Variants in TET3 observed in about 807,000 individuals in gnomAD.
The protein encoded by TET3 is tet methylcytosine dioxygenase 3.
Under a neutral mutation model 141.4 loss-of-function variants are expected in TET3, and 19 were observed. That is an observed-to-expected ratio of 0.13 (90% confidence interval 0.09 to 0.20). The LOEUF is 0.20. Among genes scored for constraint, TET3 ranks in the 10% least tolerant of loss-of-function variants. The pLI, the probability that TET3 is intolerant of heterozygous loss-of-function variation, is 1.00. For synonymous variants in TET3, 1,043 were observed against 980.9 expected, an observed-to-expected ratio of 1.06 and a Z score of -1.18; for missense variants, 1,874 against 2,356.9, an observed-to-expected ratio of 0.80 and a Z score of 4.24.
intron 4 of TET3, among the ~76,000 whole-genome samples, chr2:74,054,689 A>G (rs1454987592): frequency 1.3e-5 from 2 of 152,172 alleles, no homozygotes; most frequent in African/African-American, 4.8e-5. Flanking sequence ...GAAAGTGTGG[A>G]AAAGATGTGG....
intron 4 of TET3, among the ~76,000 whole-genome samples, chr2:74,057,328 T>C (rs1031392753): frequency 2.0e-5 from 3 of 152,178 alleles, no homozygotes; most frequent in African/African-American, 7.2e-5. Context: ...CATAAAAATT[T>C]AGAGGCATTG....
rs1687601257 is a variant in TET3, at chr2:74,046,068, T to C, written c.361-210T>C. Among the ~76,000 whole-genome samples, 1 of 152,186 alleles carries C rather than the reference T, an allele frequency of 6.6e-6. No homozygotes were observed. Among genetic ancestry groups the C allele is most frequent in the African/African-American group, 2.4e-5 (1 of 41,434 alleles). ...CATTAGGATCTTCTCTTTAAAAATA[T>C]CTTAAAGATCTTCTTTTTGTTTCTG... On this transcript the variant is annotated intron_variant, in intron 3 of 11. Coordinates refer to ENST00000409262, the MANE Select transcript of TET3 (RefSeq NM_001287491.2). This position sits in a 1 kb window ranked among gnomAD's most constrained non-coding sequence, Gnocchi z 4.3.
chr2:73,991,978 G>C lies in TET3; in HGVS notation c.303+5272G>C, dbSNP rs1573630203. 2.0e-5 allele frequency among the ~76,000 whole-genome samples: 3 copies of C among 152,252 alleles called. No individual in the cohort carries two copies. The East Asian group carries it at 5.8e-4, about 29-fold the overall frequency. Reference sequence around the variant, plus strand: ...AGGCCAAGCACATTATGTGGAAAGTGGGGACATGGCACTGAAGCAGAGTCA... The same window carrying C: ...AGGCCAAGCACATTATGTGGAAAGTCGGGACATGGCACTGAAGCAGAGTCA... On this transcript the variant is annotated intron_variant, in intron 2 of 11. Coordinates refer to ENST00000409262, the MANE Select transcript of TET3 (RefSeq NM_001287491.2).
chr2:74,001,849 G>A lies in TET3; in HGVS notation c.304-1261G>A, dbSNP rs569655266. Among the ~76,000 whole-genome samples, 177 of 152,292 alleles carry A rather than the reference G, an allele frequency of 1.2e-3. 1 individual carries two copies. Among genetic ancestry groups the A allele is most frequent in the Non-Finnish European group, 2.1e-3 (141 of 68,014 alleles). On this transcript the variant is annotated intron_variant, in intron 2 of 11. Coordinates refer to ENST00000409262, the MANE Select transcript of TET3 (RefSeq NM_001287491.2). Reference sequence around the variant, plus strand: ...CTTTCCAGGAGATGGGAAGCCCTGAGGTCTGGGGACCCTTGGGGTCTTGGG... The same window carrying A: ...CTTTCCAGGAGATGGGAAGCCCTGAAGTCTGGGGACCCTTGGGGTCTTGGG...
At chr2:74,054,844 G>A (rs1688128796) in intron 4 of TET3, among the ~76,000 whole-genome samples, 1 of 152,160 alleles carries the variant, frequency 6.6e-6, no homozygotes, top group Non-Finnish European at 1.5e-5. Context: ...ACCAGTCTTT[G>A]CAGTTAAAGC....
At chr2:74,068,662 A>G (rs1277846157) in intron 4 of TET3, among the ~76,000 whole-genome samples, 1 of 152,240 alleles carries the variant, frequency 6.6e-6, no homozygotes, top group African/African-American at 2.4e-5. Flanking sequence ...TGCTAATTCA[A>G]ACAGATTGTG....
At chr2:73,988,470 C>G (rs1684155037) in intron 2 of TET3, among the ~76,000 whole-genome samples, 1 of 152,190 alleles carries the variant, frequency 6.6e-6, no homozygotes, top group Admixed American at 6.5e-5. Context: ...AACAACAGAA[C>G]ATACCTGAGT....
Position 74,001,175 on chromosome 2 carries a change from C to G in TET3, c.304-1935C>G, listed in dbSNP as rs1365562634. 1.3e-5 allele frequency among the ~76,000 whole-genome samples: 2 copies of G among 152,168 alleles called. 1 individual carries two copies. The highest frequency in any genetic ancestry group is 4.8e-5 in the African/African-American group (2 of 41,432). On this transcript the variant is annotated intron_variant, in intron 2 of 11. Coordinates refer to ENST00000409262, the MANE Select transcript of TET3 (RefSeq NM_001287491.2). The stretch of plus-strand genomic sequence containing the variant: ...GGGGAGGCAGGTATGGGCCCTGATG[C>G]CTCCTGGAGTCTCCTCACTGGAGGC...
chr2:74,129,496 G>A, the TET3 span, among the ~76,000 whole-genome samples: 7 of 148,748 alleles, frequency 4.7e-5, no homozygotes, highest in African/African-American at 1.7e-4. Flanking sequence ...AGCCAGGAGT[G>A]GTGGCAGGCA....
rs1271882130 is a variant in TET3 at position 74,099,266 on chromosome 2, CTTGGG to C, written c.3268-9_3268-5del. The C allele has an allele frequency of 6.4e-7, 1 of 1,572,098 alleles. No homozygotes were observed. The highest frequency in any genetic ancestry group is 1.2e-5 in the South Asian group (1 of 85,996). On this transcript the variant is annotated splice_region_variant and splice_polypyrimidine_tract_variant and intron_variant, in intron 10 of 11. Coordinates refer to ENST00000409262, the MANE Select transcript of TET3 (RefSeq NM_001287491.2). ...ACCCCATGTCCTCTCTCCCCCACTG[CTTGGG>C]GCAGGTCTGCACCCTGACCAAGGAA...
intron 3 of TET3, among the ~76,000 whole-genome samples, chr2:74,004,897 A>AGTAGATCTG (rs1253058526): frequency 3.9e-5 from 6 of 152,024 alleles, no homozygotes; most frequent in Admixed American, 6.5e-5. Flanking sequence ...GAGATCGTAG[A>AGTAGATCTG]GTAGATCTGC....
intron 2 of TET3, among the ~76,000 whole-genome samples, chr2:74,000,813 G>C (rs1412819160): frequency 6.6e-6 from 1 of 152,162 alleles, no homozygotes. Context: ...AGATGAGCTT[G>C]TATGGGGAGT....
the TET3 span, among the ~76,000 whole-genome samples, chr2:74,122,723 C>G: frequency 1.7e-5 from 2 of 116,754 alleles, no homozygotes; most frequent in African/African-American, 3.4e-5. Context: ...CCACACCCAG[C>G]TAATGTTTTT....
At chr2:74,060,488 C>T (rs1027830937) in intron 4 of TET3, among the ~76,000 whole-genome samples, 4 of 152,132 alleles carry the variant, frequency 2.6e-5, no homozygotes, top group African/African-American at 9.7e-5. Flanking sequence ...AGTCACCATC[C>T]ATATGTAAAG....
Position 74,105,232 on chromosome 2 carries a change from C to T in TET3, c.*3056C>T, listed in dbSNP as rs955718070. The stretch of plus-strand genomic sequence containing the variant: ...AGAGTCATATTATAGCAACGGAAAT[C>T]GATGGCGTCTTAGTCATCTCCCCAG... On this transcript the variant is annotated 3_prime_UTR_variant, in exon 12 of 12. Transcript: ENST00000409262. 1.5e-5 allele frequency: 6 copies of T among 398,444 alleles called. No homozygotes were observed. The highest frequency in any genetic ancestry group is 2.2e-5 in the Non-Finnish European group (5 of 226,066). The allele number at this position is 398,444 out of a possible 1,614,324, so 24.7% of individuals were successfully genotyped here.
At chr2:73,984,728 G>C (rs1262153520), upstream of TET3, among the ~76,000 whole-genome samples, 2 of 151,196 alleles carry the variant, frequency 1.3e-5, no homozygotes, top group Non-Finnish European at 3.0e-5. The surrounding 1 kb of genome is among the most constrained non-coding windows in gnomAD (Gnocchi z 5.6). Flanking sequence ...CGGCCGGGCC[G>C]GAGCCTGCCC....
At chr2:74,018,663 T>G (rs1685863138) in intron 3 of TET3, among the ~76,000 whole-genome samples, 1 of 152,134 alleles carries the variant, frequency 6.6e-6, no homozygotes, top group Admixed American at 6.5e-5. Context: ...TTCCATTGAC[T>G]TATTTGTCTG....
intron 4 of TET3, among the ~76,000 whole-genome samples, chr2:74,066,255 A>G (rs1181205251): frequency 1.3e-5 from 2 of 152,168 alleles, no homozygotes. Flanking sequence ...CCTTTATGTT[A>G]TGCTTAATAA....
Position 74,046,411 on chromosome 2 carries a change from C to T in TET3, c.494C>T (p.Pro165Leu). The T allele has an allele frequency of 3.2e-6, 5 of 1,579,006 alleles. No individual in the cohort carries two copies. Among genetic ancestry groups the T allele is most frequent in the Non-Finnish European group, 4.3e-6 (5 of 1,163,592 alleles). ...AATGGTGCTAGAGAGCCCGCTGGAC[C>T]CAGTCTGCTGGGGACTGGGGGTCCT... ...PVNGAREPAG[P>L]SLLGTGGPWR... Residue 165 changes from proline to leucine, a missense_variant, in exon 4 of 12, where the codon CCC (proline) becomes CTC (leucine). Pro to Leu is a moderately conservative substitution (Grantham distance 98, BLOSUM62 -3). Coordinates refer to ENST00000409262, the MANE Select transcript of TET3 (RefSeq NM_001287491.2). This position sits in a 1 kb window ranked among gnomAD's most constrained non-coding sequence, Gnocchi z 4.3.
Sources: allele counts gnomAD v4.1 joint callset (sites outside exome capture counted in the v4.1 genomes callset), GRCh38; gene constraint gnomAD v4.1.1; non-coding constraint Gnocchi (gnomAD v3.1); transcripts MANE v1.5; gene names NCBI Gene and HGNC (gene_info 2026-07-23, HGNC 2026-07-21).